The following C11orf97 variants were observed in gnomAD, a reference collection of about 807,000 sequenced individuals.
C11orf97 encodes uncharacterized protein C11orf97.
A neutral mutation model predicts 16.2 loss-of-function variants in C11orf97; 15 were observed. The ratio of observed to expected loss-of-function variants is 0.93; its 90% CI spans 0.62 to 1.43. The LOEUF is 1.43. Ranked by LOEUF, C11orf97 falls within the 40% of genes most tolerant of loss-of-function variation. The probability of loss-of-function intolerance (pLI) is 0.00; values close to 1 mark genes in which losing one functional copy is unlikely to be tolerated. For synonymous variants in C11orf97, 61 were observed against 65.7 expected (o/e 0.93, Z 0.34); for missense variants, 171 against 161.2 (o/e 1.06, Z -0.33).
In C11orf97 at chr11:94,528,116, A is replaced by G. The variant is rs1468694068; in HGVS notation, c.283A>G (p.Asn95Asp). 2 of 1,535,392 alleles carry G rather than the reference A, an allele frequency of 1.3e-6. No homozygotes were observed. The highest frequency in any genetic ancestry group is 1.7e-6 in the Non-Finnish European group (2 of 1,146,570). ...ALEGIWSIKR[N>D]LPVGGLKPGL... ...GGAAGGGATTTGGAGCATTAAAAGGAATCTGCCTGTGGGAGGCTTGAAGCC... is the reference window on the plus strand; with the variant it reads ...GGAAGGGATTTGGAGCATTAAAAGGGATCTGCCTGTGGGAGGCTTGAAGCC... The change falls in exon 3 of 4, where the codon AAT becomes GAT. Residue 95 changes from asparagine (N) to aspartate (D), a missense_variant. By Grantham distance (23) the Asn-to-Asp change is conservative (BLOSUM62 1). Transcript: ENST00000542198.
At chr11:94,526,782 T>G (rs1359309770) in intron 2 of C11orf97, among the ~76,000 whole-genome samples, 2 of 152,188 alleles carry the variant, frequency 1.3e-5, no homozygotes, top group Admixed American at 1.3e-4. Context: ...TGTAAGGTCT[T>G]AAACAGAAGG....
At chr11:94,516,596 A>G (rs547563944) in intron 1 of C11orf97, among the ~76,000 whole-genome samples, 1 of 150,894 alleles carries the variant, frequency 6.6e-6, no homozygotes, top group East Asian at 1.9e-4. Context: ...GAAGTTATAT[A>G]TTAAATAAAT....
Position 94,512,628 on chromosome 11 carries a change from G to A in C11orf97, c.100G>A (p.Ala34Thr), listed in dbSNP as rs978394280. 48 of 1,257,092 alleles carry A rather than the reference G, an allele frequency of 3.8e-5. No individual in the cohort carries two copies. The highest frequency in any genetic ancestry group is 4.7e-5 in the Non-Finnish European group (47 of 1,000,128). The allele number at this position is 1,257,092 out of a possible 1,614,324, so 77.9% of individuals were successfully genotyped here. A position where few individuals can be genotyped will look rare whatever the true frequency, so the allele number is the denominator to read the frequency against. Residue 34 changes from alanine to threonine, a missense_variant, in exon 1 of 4, where the codon GCG becomes ACG. By Grantham distance (58) the Ala-to-Thr change is moderately conservative (BLOSUM62 0). Coordinates refer to ENST00000542198, the MANE Select transcript of C11orf97 (RefSeq NM_001190462.2). ...TCCGCCAGCAGGGCTGGGGTGCGGGGCGCGCGGGGAACCCGGCCGCGGCCC... is the reference window on the plus strand; with the variant it reads ...TCCGCCAGCAGGGCTGGGGTGCGGGACGCGCGGGGAACCCGGCCGCGGCCC... ...PPPPAGLGCG[A>T]RGEPGRGPLE...
At position 94,518,356 on chromosome 11, in the gene C11orf97, T is replaced by G. The variant is rs539114136; in HGVS notation, c.250+669T>G. Among the ~76,000 whole-genome samples the G allele has an allele frequency of 8.5e-5, 13 of 152,204 alleles. 1 individual carries two copies. The Middle Eastern group carries it at 0.014, about 159-fold the overall frequency. ...TTATCAGAATTACCTGGGAGCTTGTTAAAAGCAGATTGCTGAGCCCTACCC... is the reference window on the plus strand; with the variant it reads ...TTATCAGAATTACCTGGGAGCTTGTGAAAAGCAGATTGCTGAGCCCTACCC... On this transcript the variant is annotated intron_variant, in intron 2 of 3. Coordinates refer to ENST00000542198, the MANE Select transcript of C11orf97 (RefSeq NM_001190462.2).
chr11:94,531,485 C>T (rs1331031575), intron 3 of C11orf97, among the ~76,000 whole-genome samples: 1 of 138,352 alleles, frequency 7.2e-6, no homozygotes, highest in Non-Finnish European at 1.5e-5. Flanking sequence ...TGACAAAAAA[C>T]CTTTTATCGT....
At chr11:94,519,633 A>G (rs1023597565) in intron 2 of C11orf97, among the ~76,000 whole-genome samples, 2 of 152,256 alleles carry the variant, frequency 1.3e-5, no homozygotes, top group African/African-American at 4.8e-5. Flanking sequence ...TATCCTTTAT[A>G]TAAAATGAAG....
intron 2 of C11orf97, among the ~76,000 whole-genome samples, chr11:94,523,474 A>T (rs589546): frequency 0.41 from 61,930 of 152,052 alleles, 12,755 homozygotes; most frequent in Non-Finnish European, 0.43. Context: ...AAATACTGCA[A>T]TACTGGGCTA....
intron 2 of C11orf97, among the ~76,000 whole-genome samples, chr11:94,521,679 C>T (rs1188568195): frequency 2.0e-5 from 3 of 152,190 alleles, no homozygotes; most frequent in African/African-American, 7.2e-5. Flanking sequence ...TACCCCAAAT[C>T]CTCACAAAGC....
In C11orf97 at chr11:94,528,203, C is replaced by T. The variant is rs1483362893; in HGVS notation, c.370C>T (p.Leu124Phe). 4 of 1,533,716 alleles carry T rather than the reference C, an allele frequency of 2.6e-6. No homozygotes were observed. In the African/African-American group the frequency reaches 4.1e-5, roughly 16 times the overall value. Residue 124 changes from leucine to phenylalanine, a missense_variant, in exon 3 of 4, where the codon CTC (leucine) becomes TTC (phenylalanine). By Grantham distance (22) the Leu-to-Phe change is conservative. Transcript: ENST00000542198. ...QAKYYSRHGG[L>F]RR ...CAAGTACTACTCCAGGCACGGAGGA[C>T]TCAGAAGTAAGACCCTGATGCCCTT... is the stretch of plus-strand genomic sequence containing the variant.
intron 1 of C11orf97, among the ~76,000 whole-genome samples, chr11:94,515,533 T>C (rs1481679046): frequency 6.6e-6 from 1 of 152,002 alleles, no homozygotes; most frequent in Admixed American, 6.6e-5. Flanking sequence ...CCTTCCTTCC[T>C]TCTTTCTTTT....
chr11:94,530,019 A>G (rs1025909114), intron 3 of C11orf97, among the ~76,000 whole-genome samples: 4 of 152,216 alleles, frequency 2.6e-5, no homozygotes, highest in Admixed American at 2.6e-4. Flanking sequence ...TTCTGCGTGC[A>G]TATTATGAGA....
chr11:94,531,851 C>T, intron 3 of C11orf97, 45 bp from the exon 4 acceptor site: 1 of 1,376,594 alleles, frequency 7.3e-7, no homozygotes, highest in Non-Finnish European at 9.5e-7. Flanking sequence ...AGAGCATCTC[C>T]CCGAAGTAAA....
rs1455858147 is a variant in C11orf97, at chr11:94,514,049, A to AT, written c.145+1377dup. Among the ~76,000 whole-genome samples, 9 of 152,260 alleles carry AT rather than the reference A, an allele frequency of 5.9e-5. No homozygotes were observed. In the South Asian group the frequency reaches 1.5e-3, roughly 25 times the overall value. On this transcript the variant is annotated intron_variant, in intron 1 of 3. Coordinates refer to ENST00000542198, the MANE Select transcript of C11orf97 (RefSeq NM_001190462.2). ...GGTCTTCAACTCCTGGCCTCGAGTG[A>AT]TCCGCTCGCCTCAGCCTCCCAAAGT...
intron 2 of C11orf97, among the ~76,000 whole-genome samples, chr11:94,518,228 T>C (rs1302613551): frequency 6.6e-6 from 1 of 151,860 alleles, no homozygotes; most frequent in Non-Finnish European, 1.5e-5. Flanking sequence ...TTCTATTTAA[T>C]GACATGTACC....
At chr11:94,517,320 T>C in intron 1 of C11orf97, among the ~76,000 whole-genome samples, 1 of 152,178 alleles carries the variant, frequency 6.6e-6, no homozygotes, top group East Asian at 1.9e-4. Context: ...GAGGAAACTT[T>C]ATCTATTTCT....
chr11:94,529,509 T>C (rs1192500311), intron 3 of C11orf97, among the ~76,000 whole-genome samples: 1 of 152,134 alleles, frequency 6.6e-6, no homozygotes, highest in Non-Finnish European at 1.5e-5. Context: ...TTTTATACAG[T>C]TATGTAATCC....
chr11:94,513,928 C>T (rs1947587794), intron 1 of C11orf97, among the ~76,000 whole-genome samples: 1 of 152,166 alleles, frequency 6.6e-6, no homozygotes, highest in African/African-American at 2.4e-5. Context: ...ATGCATCAGC[C>T]TCCTGAGTAG....
At chr11:94,524,388 G>C (rs1947682804) in intron 2 of C11orf97, among the ~76,000 whole-genome samples, 1 of 152,042 alleles carries the variant, frequency 6.6e-6, no homozygotes, top group African/African-American at 2.4e-5. Flanking sequence ...GAGAGGAACA[G>C]AGATTTGAAA....
In C11orf97 at chr11:94,532,062, TA is replaced by T; in HGVS notation, c.*164del. The T allele has an allele frequency of 2.3e-6, 1 of 444,128 alleles. No individual in the cohort carries two copies. The highest frequency in any genetic ancestry group is 3.8e-6 in the Non-Finnish European group (1 of 264,780). The allele number at this position is 444,128 out of a possible 1,614,324, so 27.5% of individuals were successfully genotyped here. On this transcript the variant is annotated 3_prime_UTR_variant, in exon 4 of 4. Transcript: ENST00000542198. ...TACCTATCTATAAATTAATCCAAAG[TA>T]ATGAAAGACTATTGGTAATGTTCAG... is the stretch of plus-strand genomic sequence containing the variant.
Sources: allele counts gnomAD v4.1 joint callset (sites outside exome capture counted in the v4.1 genomes callset), GRCh38; gene constraint gnomAD v4.1.1; transcripts MANE v1.5; gene names NCBI Gene and HGNC (gene_info 2026-07-23, HGNC 2026-07-21).